The following MALAT1 variants were observed in gnomAD, a reference collection of about 807,000 sequenced individuals.
MALAT1 encodes metastasis associated lung adenocarcinoma transcript 1.
At chr11:65,505,561 C>A (rs1027854404) in intron 3 of MALAT1, 1 of 515,760 alleles carries the variant, frequency 1.9e-6, no homozygotes, top group South Asian at 1.4e-5. Context: ...TCTGCCACAT[C>A]GCCACCCCGT....
intron 3 of MALAT1, chr11:65,505,329 C>A (rs368417188): frequency 1.9e-6 from 1 of 518,878 alleles, no homozygotes; most frequent in Non-Finnish European, 3.8e-6. Context: ...TGAGGACTTG[C>A]CTCAACTCCC....
chr11:65,500,909 T>C (rs779095243), exon 3 of MALAT1: 1 of 513,948 alleles, frequency 1.9e-6, no homozygotes, highest in South Asian at 1.4e-5. Flanking sequence ...CCGGGTGTTG[T>C]AGGTTTCTCT....
At chr11:65,497,852 C>T (rs746282059) in exon 1 of MALAT1, 103 of 517,136 alleles carry the variant, frequency 2.0e-4, no homozygotes, top group South Asian at 1.4e-3. Context: ...CGGGAAGCCT[C>T]AGCTCGCCTG....
chr11:65,498,052 G>C (rs776299532), intron 1 of MALAT1: 1 of 518,804 alleles, frequency 1.9e-6, no homozygotes, highest in Non-Finnish European at 3.8e-6. Context: ...TTTTCTTCCT[G>C]CTCCGGTTCA....
intron 3 of MALAT1, chr11:65,503,941 CATTTT>C (rs1470423465): frequency 1.9e-6 from 1 of 515,434 alleles, no homozygotes; most frequent in East Asian, 5.5e-5. Flanking sequence ...GGTAATTACA[CATTTT>C]ATTTCCAGAA....
chr11:65,499,836 TAGA>T (rs980969865), exon 3 of MALAT1: 1 of 421,354 alleles, frequency 2.4e-6, no homozygotes. Context: ...TGTACAAACT[TAGA>T]AGAAAATTGG....
At chr11:65,499,078 TGA>T (rs1491576841) in exon 3 of MALAT1, 2 of 518,338 alleles carry the variant, frequency 3.9e-6, no homozygotes, top group Non-Finnish European at 7.7e-6. Context: ...GGGCTTCTGC[TGA>T]GGGGGCAGGC....
chr11:65,498,326 C>G (rs745704519), intron 1 of MALAT1: 2 of 517,832 alleles, frequency 3.9e-6, no homozygotes, highest in East Asian at 5.5e-5. Context: ...AATTTCCGTG[C>G]GGGCCGTGGG....
chr11:65,505,521 T>TA (rs745977044), intron 3 of MALAT1: 2 of 515,896 alleles, frequency 3.9e-6, no homozygotes, highest in South Asian at 2.8e-5. Flanking sequence ...AGAAGCCTGT[T>TA]AAAAGCAAGG....
chr11:65,497,981 A>G (rs553137490), intron 1 of MALAT1: 12 of 518,778 alleles, frequency 2.3e-5, no homozygotes, highest in Admixed American at 1.6e-4. Context: ...AGGTGGTGGT[A>G]TTTAGATAAA....
exon 3 of MALAT1, chr11:65,499,644 G>A (rs1254294404): frequency 9.1e-6 from 4 of 440,356 alleles, no homozygotes; most frequent in African/African-American, 8.2e-5. Context: ...ATTTGGAGAA[G>A]ATAGAAGTTT....
chr11:65,500,194 A>G (rs777812098), exon 3 of MALAT1: 12 of 509,974 alleles, frequency 2.4e-5, no homozygotes. Flanking sequence ...ATTTAAAAAA[A>G]ACTAAGGCAG....
exon 3 of MALAT1, chr11:65,503,843 A>T: frequency 1.9e-6 from 1 of 518,346 alleles, no homozygotes; most frequent in Non-Finnish European, 3.9e-6. Flanking sequence ...ATGAGCATAT[A>T]ATAATTCCAG....
intron 2 of MALAT1, chr11:65,498,765 G>C (rs772400192): frequency 1.9e-6 from 1 of 518,922 alleles, no homozygotes; most frequent in South Asian, 1.4e-5. Context: ...GTTTTGTGAG[G>C]TGTTTGATGA....
chr11:65,499,803 G>C (rs892140338), exon 3 of MALAT1: 18 of 418,382 alleles, frequency 4.3e-5, no homozygotes, highest in Non-Finnish European at 7.8e-5. Context: ...GACAAGCTAG[G>C]AAACAAAAAG....
chr11:65,504,190 C>T (rs868554954), intron 3 of MALAT1: 1 of 516,340 alleles, frequency 1.9e-6, no homozygotes, highest in African/African-American at 1.9e-5. Context: ...GAGTGCTTGG[C>T]TCTTCCTTCT....
chr11:65,505,860 ATGTAACT>A (rs751978174), intron 3 of MALAT1: 8 of 464,808 alleles, frequency 1.7e-5, no homozygotes, highest in East Asian at 5.6e-5. Flanking sequence ...GGGTGGGAAC[ATGTAACT>A]TGTAGACTGG....
rs1461625978 is a variant in MALAT1, at chr11:65,505,607, C to G, written n.5169-653C>G. The G allele has an allele frequency of 5.8e-6, 3 of 518,856 alleles. No homozygotes were observed. The Admixed American group carries it at 5.8e-5, about 10-fold the overall frequency. The allele number at this position is 518,856 out of a possible 1,614,324, so 32.1% of individuals were successfully genotyped here. On this transcript the variant is annotated intron_variant and non_coding_transcript_variant, in intron 3 of 3. Transcript: ENST00000619449. Reference sequence around the variant, plus strand: ...CTAGCACAGACCCTTCACCCCTCACCTCGATGCAGCCAGTAGCTTGGATCC... The same window carrying G: ...CTAGCACAGACCCTTCACCCCTCACGTCGATGCAGCCAGTAGCTTGGATCC...
chr11:65,501,107 G>A (rs777319413), exon 3 of MALAT1: 1 of 515,808 alleles, frequency 1.9e-6, no homozygotes, highest in Non-Finnish European at 3.9e-6. Context: ...TGTTTAGTTG[G>A]GGTAATGAAG....
Sources: allele counts gnomAD v4.1 joint callset, GRCh38; gene constraint gnomAD v4.1.1; transcripts MANE v1.5; gene names NCBI Gene and HGNC (gene_info 2026-07-23, HGNC 2026-07-21).